Variants in COMMD10 observed in about 807,000 individuals in gnomAD.
The protein encoded by COMMD10 is COMM domain-containing protein 10.
COMMD10 carries 33 observed loss-of-function variants against 28.9 expected under a neutral mutation model. The observed-to-expected ratio is 1.14, with a 90% CI of 0.87 to 1.53. COMMD10 has a LOEUF of 1.53. COMMD10 is among the 40% of genes most tolerant of loss of function. COMMD10 has a pLI of 0.00. For synonymous variants in COMMD10, 110 were observed against 81.7 expected, an observed-to-expected ratio of 1.35 and a Z score of -1.87; for missense variants, 310 against 233.4, an observed-to-expected ratio of 1.33 and a Z score of -2.14.
chr5:116,189,857 T>C (rs184667028), intron 5 of COMMD10, among the ~76,000 whole-genome samples: 2,430 of 152,324 alleles, frequency 0.016, 65 homozygotes, highest in African/African-American at 0.056. Flanking sequence ...TTTCAGTTGT[T>C]GCTGTTTATT....
At position 116,184,218 on chromosome 5, in the gene COMMD10, C is replaced by G. The variant is rs1222773303; in HGVS notation, c.510+50040C>G. The stretch of plus-strand genomic sequence containing the variant: ...TTCTATGTGGTTCTTAGTTCTGTCT[C>G]TCTTTTTTTTTTTAATCCAGGATGT... On this transcript the variant is annotated intron_variant, in intron 5 of 6. Coordinates refer to ENST00000274458, the MANE Select transcript of COMMD10 (RefSeq NM_016144.4). Among the ~76,000 whole-genome samples, 3 of 150,768 alleles carry G rather than the reference C, an allele frequency of 2.0e-5. No homozygotes were observed. The East Asian group carries it at 5.8e-4, about 29-fold the overall frequency.
chr5:116,165,186 T>C (rs934247097), intron 5 of COMMD10, among the ~76,000 whole-genome samples: 2 of 152,192 alleles, frequency 1.3e-5, no homozygotes, highest in Admixed American at 6.5e-5. Flanking sequence ...AAGTCTGAAT[T>C]ATCTGGTTCC....
intron 1 of COMMD10, chr5:116,085,394 T>G (rs967539056): frequency 4.8e-6 from 2 of 414,386 alleles, no homozygotes; most frequent in African/African-American, 2.1e-5. Context: ...GAGTTTGGTA[T>G]CAGAAGTTCC....
At chr5:116,263,294 A>T (rs1167876370) in intron 5 of COMMD10, among the ~76,000 whole-genome samples, 1 of 151,678 alleles carries the variant, frequency 6.6e-6, no homozygotes. Context: ...TGCCCTACAA[A>T]CCATAAATTC....
intron 4 of COMMD10, among the ~76,000 whole-genome samples, chr5:116,101,114 A>G (rs962503221): frequency 6.6e-6 from 1 of 152,190 alleles, no homozygotes; most frequent in Non-Finnish European, 1.5e-5. Context: ...TTGTCTATAT[A>G]TACACACCAT....
At chr5:116,234,116 A>G (rs776453065) in intron 5 of COMMD10, among the ~76,000 whole-genome samples, 9 of 152,170 alleles carry the variant, frequency 5.9e-5, no homozygotes, top group Non-Finnish European at 1.2e-4. Context: ...CTGGCATTGT[A>G]GGTAGAAAGA....
rs1236558970 is a variant in COMMD10, at chr5:116,158,701, C to G, written c.510+24523C>G. Reference sequence around the variant, plus strand: ...TTTTCTTAAGTGTTTTTACTTAATCCTTAGTGTGAAAGTCTCCTATTACTG... The same window carrying G: ...TTTTCTTAAGTGTTTTTACTTAATCGTTAGTGTGAAAGTCTCCTATTACTG... On this transcript the variant is annotated intron_variant, in intron 5 of 6. Transcript: ENST00000274458. Among the ~76,000 whole-genome samples, 7 of 151,930 alleles carry G rather than the reference C, an allele frequency of 4.6e-5. No homozygotes were observed. The East Asian group carries it at 1.4e-3, about 30-fold the overall frequency.
intron 5 of COMMD10, among the ~76,000 whole-genome samples, chr5:116,215,555 C>T (rs1001084038): frequency 2.6e-5 from 4 of 151,418 alleles, no homozygotes; most frequent in Admixed American, 6.6e-5. Context: ...GGCGTGGTGG[C>T]GTGTGCCTGT....
chr5:116,217,900 C>T (rs1749147398), intron 5 of COMMD10: 6 of 628,038 alleles, frequency 9.6e-6, no homozygotes, highest in Non-Finnish European at 1.7e-5. Flanking sequence ...GTTCTGTGTG[C>T]TAACAGCATA....
intron 5 of COMMD10, among the ~76,000 whole-genome samples, chr5:116,237,382 G>T (rs747662881): frequency 6.6e-6 from 1 of 151,960 alleles, no homozygotes; most frequent in Non-Finnish European, 1.5e-5. Flanking sequence ...TTTCTCTTTG[G>T]TAGTTTTATT....
At position 116,156,933 on chromosome 5, in the gene COMMD10, C is replaced by G. The variant is rs576093484; in HGVS notation, c.510+22755C>G. Among the ~76,000 whole-genome samples the G allele has an allele frequency of 2.6e-5, 4 of 152,204 alleles. No homozygotes were observed. The South Asian group carries it at 8.3e-4, about 32-fold the overall frequency. ...GATCAGTTGTTTGTTTAGCTCATCT[C>G]TTTGTTGCCATATTGCCTTATGGTG... is the stretch of plus-strand genomic sequence containing the variant. On this transcript the variant is annotated intron_variant, in intron 5 of 6. Transcript: ENST00000274458.
intron 5 of COMMD10, among the ~76,000 whole-genome samples, chr5:116,218,468 T>C (rs975710564): frequency 1.3e-5 from 2 of 152,218 alleles, no homozygotes; most frequent in Admixed American, 6.5e-5. Context: ...TTAAGTTGTT[T>C]ATTACTTTTC....
intron 5 of COMMD10, among the ~76,000 whole-genome samples, chr5:116,168,848 A>G (rs2112577806): frequency 6.6e-6 from 1 of 152,322 alleles, no homozygotes; most frequent in Non-Finnish European, 1.5e-5. Flanking sequence ...AGGGAAATTT[A>G]TAGCACTAAC....
At chr5:116,215,484 C>G (rs963281017) in intron 5 of COMMD10, among the ~76,000 whole-genome samples, 12 of 151,316 alleles carry the variant, frequency 7.9e-5, no homozygotes, top group Admixed American at 5.3e-4. Context: ...GCCAGGAGAT[C>G]AAGACCATCC....
chr5:116,191,540 C>G (rs1375527756), intron 5 of COMMD10, among the ~76,000 whole-genome samples: 1 of 151,718 alleles, frequency 6.6e-6, no homozygotes, highest in African/African-American at 2.4e-5. Context: ...TCCCTGACAA[C>G]CTGCATGACT....
intron 5 of COMMD10, among the ~76,000 whole-genome samples, chr5:116,270,474 G>C (rs7722462): frequency 2.0e-5 from 3 of 151,458 alleles, no homozygotes; most frequent in African/African-American, 7.3e-5. Context: ...TGAATTTGGC[G>C]TCTGTATTTA....
Position 116,237,303 on chromosome 5 carries a change from A to T in COMMD10, c.511-54214A>T, listed in dbSNP as rs115599853. Among the ~76,000 whole-genome samples the T allele has an allele frequency of 4.8e-3, 730 of 152,296 alleles. 7 individuals carry two copies. Among genetic ancestry groups the T allele is most frequent in the African/African-American group, 0.015 (620 of 41,540 alleles). On this transcript the variant is annotated intron_variant, in intron 5 of 6. Transcript: ENST00000274458. Reference sequence around the variant, plus strand: ...GTCTAGACTTTGTAGGCTAGTGTAAAGATTTCTTAGTGTGACAGAGATGGG... The same window carrying T: ...GTCTAGACTTTGTAGGCTAGTGTAATGATTTCTTAGTGTGACAGAGATGGG...
intron 5 of COMMD10, among the ~76,000 whole-genome samples, chr5:116,233,232 C>T (rs888509138): frequency 1.3e-5 from 2 of 152,090 alleles, no homozygotes; most frequent in African/African-American, 4.8e-5. Context: ...ACTACATTCT[C>T]ATGACTCTTA....
intron 5 of COMMD10, among the ~76,000 whole-genome samples, chr5:116,166,042 A>G (rs1250280224): frequency 6.6e-6 from 1 of 152,126 alleles, no homozygotes; most frequent in Non-Finnish European, 1.5e-5. Flanking sequence ...ATCCTCAACT[A>G]TCCTGTATTG....
Sources: gnomAD v4.1 joint callset for allele counts (sites outside exome capture counted in the v4.1 genomes callset) on GRCh38, gnomAD v4.1.1 for gene constraint, MANE v1.5 for transcripts, NCBI Gene and HGNC (gene_info 2026-07-23, HGNC 2026-07-21) for gene names.